CACNA1E: variants seen among roughly 807,000 people sequenced by gnomAD.
CACNA1E encodes voltage-dependent R-type calcium channel subunit alpha-1E.
A neutral mutation model predicts 259.2 loss-of-function variants in CACNA1E; 40 were observed. That is an observed-to-expected ratio of 0.15 (90% CI 0.12 to 0.20). The LOEUF is 0.20. Among genes scored for constraint, CACNA1E ranks in the 10% least tolerant of loss-of-function variants. CACNA1E has a pLI of 1.00. For missense variants in CACNA1E, 1,874 were observed against 3,040.1 expected, an observed-to-expected ratio of 0.62 and a Z score of 9.02; for synonymous variants, 1,104 against 1,138.5, an observed-to-expected ratio of 0.97 and a Z score of 0.61.
At chr1:181,642,823 T>C (rs912797715) in intron 6 of CACNA1E, among the ~76,000 whole-genome samples, 1 of 152,240 alleles carries the variant, frequency 6.6e-6, no homozygotes, top group Non-Finnish European at 1.5e-5. Flanking sequence ...GCCTCCATCC[T>C]GGCCCCCCAG....
At chr1:181,755,203 G>A (rs374942532) in intron 27 of CACNA1E, 34 bp from the exon 28 acceptor site, 2 of 1,596,546 alleles carry the variant, frequency 1.3e-6, no homozygotes, top group African/African-American at 1.3e-5. Flanking sequence ...CCATCACAGG[G>A]TTCACACAGC....
At chr1:181,408,668 G>C (rs657990) in intron 1 of CACNA1E, among the ~76,000 whole-genome samples, 44,030 of 151,928 alleles carry the variant, frequency 0.29, 8,916 homozygotes, top group African/African-American at 0.57. Flanking sequence ...TACACTAAAC[G>C]CTCTTCCACC....
chr1:181,731,064 G>A, intron 18 of CACNA1E, 111 bp from the exon 19 acceptor site: 1 of 787,766 alleles, frequency 1.3e-6, no homozygotes, highest in East Asian at 2.6e-5. Flanking sequence ...ATGGAGACCT[G>A]ATGGCCACAC....
At position 181,803,878 on chromosome 1, in the gene CACNA1E, A is replaced by C. The variant is rs963710497; in HGVS notation, c.*5044A>C. 1 of 152,208 alleles carries C rather than the reference A, an allele frequency of 6.6e-6. No individual in the cohort carries two copies. Among genetic ancestry groups the C allele is most frequent in the African/African-American group, 2.4e-5 (1 of 41,460 alleles). 9.4% of individuals were successfully genotyped at this position (152,208 alleles called of 1,614,324 possible). A position where few individuals can be genotyped will look rare whatever the true frequency, so the allele number is the denominator to read the frequency against. ...AACTCAAGATAGCTGAGAAGTATGA[A>C]TGGGGTTCACAGCAAAGTCCAATTG... On this transcript the variant is annotated 3_prime_UTR_variant, in exon 48 of 48. Transcript: ENST00000367573.
chr1:181,365,878 G>A (rs1015636959), intron 1 of CACNA1E, among the ~76,000 whole-genome samples: 6 of 152,222 alleles, frequency 3.9e-5, no homozygotes, highest in Non-Finnish European at 7.3e-5. Flanking sequence ...AGTGGACAAG[G>A]GGGCTAGGGT....
intron 7 of CACNA1E, among the ~76,000 whole-genome samples, chr1:181,686,029 G>A (rs1434144394): frequency 6.9e-6 from 1 of 144,102 alleles, no homozygotes; most frequent in Non-Finnish European, 1.5e-5. Context: ...ACCCCCACCC[G>A]CCCCCACTCT....
chr1:181,632,024 G>A (rs1478282431), intron 6 of CACNA1E, among the ~76,000 whole-genome samples: 1 of 152,206 alleles, frequency 6.6e-6, no homozygotes, highest in Non-Finnish European at 1.5e-5. Flanking sequence ...CAACAAATCT[G>A]TCTGATATTC....
chr1:181,497,745 A>T (rs1485745231), intron 1 of CACNA1E, among the ~76,000 whole-genome samples: 1 of 152,198 alleles, frequency 6.6e-6, no homozygotes, highest in Non-Finnish European at 1.5e-5. Flanking sequence ...ACTCTTCCCT[A>T]ACAGAGTATC....
chr1:181,656,033 T>TA (rs373979781), intron 7 of CACNA1E, among the ~76,000 whole-genome samples: 2 of 152,150 alleles, frequency 1.3e-5, no homozygotes, highest in Non-Finnish European at 2.9e-5. Flanking sequence ...GACGCTGGTG[T>TA]AAAAAAACCC....
chr1:181,647,249 C>T (rs1179502580), intron 6 of CACNA1E, among the ~76,000 whole-genome samples: 1 of 152,124 alleles, frequency 6.6e-6, no homozygotes, highest in Non-Finnish European at 1.5e-5. Context: ...CTTAGCTGCT[C>T]CACAGTAGAG....
chr1:181,656,618 T>G (rs901969848), intron 7 of CACNA1E, among the ~76,000 whole-genome samples: 4 of 152,198 alleles, frequency 2.6e-5, no homozygotes, highest in African/African-American at 9.7e-5. Context: ...TCAGTGTAGC[T>G]TAAGTGTCCA....
upstream of CACNA1E, among the ~76,000 whole-genome samples, chr1:181,480,733 G>A (rs1663177126): frequency 6.6e-6 from 1 of 152,042 alleles, no homozygotes. Context: ...AAAGGAAAGG[G>A]GTGAGGTGAC....
intron 6 of CACNA1E, among the ~76,000 whole-genome samples, chr1:181,605,542 G>GA (rs1654154616): frequency 6.6e-6 from 1 of 152,076 alleles, no homozygotes; most frequent in African/African-American, 2.4e-5. Flanking sequence ...AATAGAAAGG[G>GA]AAAAAAATCT....
At chr1:181,747,019 G>A (rs1657148916) in intron 25 of CACNA1E, among the ~76,000 whole-genome samples, 1 of 152,220 alleles carries the variant, frequency 6.6e-6, no homozygotes, top group Non-Finnish European at 1.5e-5. Flanking sequence ...CTTAGTAATT[G>A]TATAATAAAT....
chr1:181,736,412 T>C lies in CACNA1E; in HGVS notation c.3400T>C (p.Phe1134Leu). 2 of 1,612,684 alleles carry C rather than the reference T, an allele frequency of 1.2e-6. No homozygotes were observed. The highest frequency in any genetic ancestry group is 2.2e-5 in the East Asian group (1 of 44,852). ...GKAMVPHSSM[F>L]IFSTTNPIRR... Reference sequence around the variant, plus strand: ...AGCCATGGTGCCCCACAGCTCAATGTTCATCTTCAGCACCACCAACCCGTA... The same window carrying C: ...AGCCATGGTGCCCCACAGCTCAATGCTCATCTTCAGCACCACCAACCCGTA... Residue 1134 changes from phenylalanine (F) to leucine (L), a missense_variant, in exon 22 of 48, where the codon TTC (phenylalanine) becomes CTC (leucine). This residue lies in a region of CACNA1E where 56 missense variants were observed against 97.4 expected (regional missense o/e 0.57). Coordinates refer to ENST00000367573, the MANE Select transcript of CACNA1E (RefSeq NM_001205293.3).
intron 6 of CACNA1E, among the ~76,000 whole-genome samples, chr1:181,590,780 C>A (rs1298993806): frequency 3.5e-5 from 5 of 142,806 alleles, no homozygotes; most frequent in Non-Finnish European, 6.2e-5. Context: ...CTCCCACTCT[C>A]CCCACTCACC....
intron 16 of CACNA1E, 25 bp from the exon 17 acceptor site, chr1:181,724,445 G>C (rs569895797): frequency 2.5e-6 from 4 of 1,603,050 alleles, no homozygotes; most frequent in Non-Finnish European, 2.6e-6. Context: ...TTTCTTATTT[G>C]CCCATCCTTA....
chr1:181,581,790 C>T (rs535141979), intron 6 of CACNA1E, among the ~76,000 whole-genome samples: 19 of 152,156 alleles, frequency 1.2e-4, no homozygotes, highest in Non-Finnish European at 2.2e-4. Context: ...AGCCAGCCCA[C>T]CCCAAAACAG....
At chr1:181,513,976 C>T (rs1314765591) in intron 3 of CACNA1E, among the ~76,000 whole-genome samples, 3 of 152,226 alleles carry the variant, frequency 2.0e-5, no homozygotes, top group Non-Finnish European at 4.4e-5. Context: ...TGCTCCTCCT[C>T]CAGACCTGCT....
Sources: gnomAD v4.1 joint callset for allele counts (sites outside exome capture counted in the v4.1 genomes callset) on GRCh38, gnomAD v4.1.1 for gene constraint, gnomAD v4.1.1 regional missense constraint, MANE v1.5 for transcripts, NCBI Gene and HGNC (gene_info 2026-07-23, HGNC 2026-07-21) for gene names.